Variants in KLF12 observed in about 807,000 individuals in gnomAD.
KLF12 encodes Krueppel-like factor 12.
A neutral mutation model predicts 37.8 loss-of-function variants in KLF12; 9 were observed. The observed-to-expected ratio is 0.24, with a 90% CI of 0.14 to 0.42. The LOEUF (loss-of-function observed/expected upper bound fraction) is 0.42. Among genes scored for constraint, KLF12 ranks in the 10% least tolerant of loss-of-function variants. KLF12 has a pLI of 1.00. For synonymous variants in KLF12, 208 were observed against 202.1 expected (o/e 1.03, Z -0.25); for missense variants, 411 against 516.0 (o/e 0.80, Z 1.97).
chr13:73,827,293 G>C (rs1164020115), intron 4 of KLF12, among the ~76,000 whole-genome samples: 1 of 152,074 alleles, frequency 6.6e-6, no homozygotes, highest in African/African-American at 2.4e-5. Context: ...GAGAATTACG[G>C]GGTGCCCATA....
chr13:73,762,496 G>A (rs1594061469), intron 6 of KLF12, among the ~76,000 whole-genome samples: 1 of 152,108 alleles, frequency 6.6e-6, no homozygotes, highest in South Asian at 2.1e-4. Context: ...TGTTAAGTTG[G>A]AGGCTTTTCT....
chr13:73,799,676 CT>C (rs1419132572), intron 5 of KLF12, among the ~76,000 whole-genome samples: 12 of 152,038 alleles, frequency 7.9e-5, no homozygotes, highest in African/African-American at 2.9e-4. Context: ...ATATTTTAAC[CT>C]TTTGATTAAA....
chr13:74,031,152 A>G (rs573985411), intron 1 of KLF12, among the ~76,000 whole-genome samples: 57 of 152,154 alleles, frequency 3.7e-4, no homozygotes, highest in Non-Finnish European at 7.2e-4. Flanking sequence ...ATCAAAGCCC[A>G]TCTTTTTGCT....
At chr13:74,219,917 A>C in the KLF12 span, among the ~76,000 whole-genome samples, 2 of 151,606 alleles carry the variant, frequency 1.3e-5, no homozygotes, top group African/African-American at 2.4e-5. Flanking sequence ...TTTTCTTTTA[A>C]AACTTCTTTT....
intron 1 of KLF12, among the ~76,000 whole-genome samples, chr13:74,078,958 C>T (rs1434626990): frequency 1.3e-5 from 2 of 152,064 alleles, no homozygotes; most frequent in Admixed American, 1.3e-4. Context: ...TAGACAATGC[C>T]AAATCGCCTT....
intron 3 of KLF12, among the ~76,000 whole-genome samples, chr13:73,890,973 GA>G (rs1887478175): frequency 6.6e-6 from 1 of 151,992 alleles, no homozygotes. Flanking sequence ...TTTGCCTTTT[GA>G]AAATGGTTTC....
intron 7 of KLF12, among the ~76,000 whole-genome samples, chr13:73,696,965 A>G (rs1874192479): frequency 2.6e-5 from 4 of 152,102 alleles, no homozygotes; most frequent in Non-Finnish European, 5.9e-5. Context: ...TTTCGTTTAG[A>G]CGCCCTTCTG....
intron 5 of KLF12, among the ~76,000 whole-genome samples, chr13:73,783,780 T>C (rs1432570680): frequency 6.6e-6 from 1 of 152,170 alleles, no homozygotes; most frequent in Non-Finnish European, 1.5e-5. Context: ...AAATTCAAAT[T>C]ATGCCTTCCT....
the KLF12 span, among the ~76,000 whole-genome samples, chr13:74,210,670 T>G: frequency 1.3e-5 from 2 of 152,208 alleles, no homozygotes; most frequent in African/African-American, 4.8e-5. Context: ...TATCTATAAC[T>G]TTAGTGCTTC....
chr13:73,986,004 T>C (rs777961126), intron 2 of KLF12, among the ~76,000 whole-genome samples: 3 of 152,204 alleles, frequency 2.0e-5, no homozygotes, highest in Non-Finnish European at 4.4e-5. Context: ...CAGGATGTCT[T>C]AGTAAGTGTA....
chr13:74,104,525 G>C (rs1305978598), intron 1 of KLF12, among the ~76,000 whole-genome samples: 2 of 152,040 alleles, frequency 1.3e-5, no homozygotes, highest in African/African-American at 4.8e-5. Flanking sequence ...TTTTTCTCCT[G>C]CTCCCTCACA....
At chr13:74,120,736 T>C (rs928728569) in intron 1 of KLF12, among the ~76,000 whole-genome samples, 2 of 151,768 alleles carry the variant, frequency 1.3e-5, no homozygotes, top group African/African-American at 2.4e-5. Flanking sequence ...ATGAAGAAAA[T>C]AGCACAAACA....
chr13:73,822,515 A>G (rs929536811), intron 4 of KLF12, among the ~76,000 whole-genome samples: 26 of 152,174 alleles, frequency 1.7e-4, no homozygotes. Context: ...GGATCATTTG[A>G]GCCTAGGAAT....
intron 1 of KLF12, among the ~76,000 whole-genome samples, chr13:73,998,792 A>T (rs544340663): frequency 6.6e-6 from 1 of 152,360 alleles, no homozygotes; most frequent in Non-Finnish European, 1.5e-5. Context: ...ACAGTGAGTT[A>T]TCTTGGGAAC....
At chr13:73,904,891 C>T (rs767263152) in intron 3 of KLF12, among the ~76,000 whole-genome samples, 2 of 151,568 alleles carry the variant, frequency 1.3e-5, no homozygotes, top group Non-Finnish European at 2.9e-5. Flanking sequence ...TCTCAGAATA[C>T]CAGGCTTGTC....
intron 3 of KLF12, among the ~76,000 whole-genome samples, chr13:73,901,498 G>C (rs773656649): frequency 5.3e-5 from 8 of 152,044 alleles, no homozygotes; most frequent in Non-Finnish European, 8.8e-5. Context: ...TGTTGGGCTA[G>C]ATTGGAGGTA....
the KLF12 span, among the ~76,000 whole-genome samples, chr13:74,155,099 C>T: frequency 6.6e-6 from 1 of 152,174 alleles, no homozygotes; most frequent in African/African-American, 2.4e-5. Flanking sequence ...TCACAGTTGA[C>T]TTTCTGCGTA....
chr13:74,095,875 G>T (rs1456403539), intron 1 of KLF12, among the ~76,000 whole-genome samples: 1 of 152,094 alleles, frequency 6.6e-6, no homozygotes, highest in Non-Finnish European at 1.5e-5. Context: ...GGTGTGTAGG[G>T]TTGTCTTCAC....
rs575248328 is a variant in KLF12 at position 74,017,934 on chromosome 13, G to C, written c.-31-22881C>G. Among the ~76,000 whole-genome samples the C allele has an allele frequency of 3.9e-5, 6 of 152,192 alleles. No homozygotes were observed. The South Asian group carries it at 1.2e-3, about 32-fold the overall frequency. On this transcript the variant is annotated intron_variant, in intron 1 of 7. Coordinates refer to ENST00000377669, the MANE Select transcript of KLF12 (RefSeq NM_007249.5). Reference sequence around the variant, plus strand: ...CCAAGGAGCACTGTCATCTCTGCTAGGCTGGGAGAGTACACAGGGCATGAG... The same window carrying C: ...CCAAGGAGCACTGTCATCTCTGCTACGCTGGGAGAGTACACAGGGCATGAG...
Sources: gnomAD v4.1 joint callset for allele counts (sites outside exome capture counted in the v4.1 genomes callset) on GRCh38, gnomAD v4.1.1 for gene constraint, MANE v1.5 for transcripts, NCBI Gene and HGNC (gene_info 2026-07-23, HGNC 2026-07-21) for gene names.